PTK2: variants seen among roughly 807,000 people sequenced by gnomAD.
PTK2 encodes the protein focal adhesion kinase 1.
Under a neutral mutation model 150.1 loss-of-function variants are expected in PTK2, and 45 were observed. The ratio of observed to expected loss-of-function variants is 0.30; its 90% CI spans 0.24 to 0.38. The LOEUF is 0.38. Among genes scored for constraint, PTK2 ranks in the 10% least tolerant of loss-of-function variants. The pLI is 1.00. For synonymous variants in PTK2, 432 were observed against 449.2 expected (o/e 0.96, Z 0.48); for missense variants, 919 against 1,307.3 (o/e 0.70, Z 4.58).
intron 8 of PTK2, 26 bp downstream of exon 8, chr8:140,830,446 A>T: frequency 6.9e-7 from 1 of 1,453,704 alleles, no homozygotes; most frequent in Non-Finnish European, 9.3e-7. Flanking sequence ...TTGTTATTTT[A>T]TTATGATAAA....
chr8:140,724,337 C>G (rs964223092), intron 22 of PTK2, among the ~76,000 whole-genome samples: 2 of 152,196 alleles, frequency 1.3e-5, no homozygotes, highest in South Asian at 4.1e-4. Flanking sequence ...TCATTTACCA[C>G]TAGGAAAGAA....
In PTK2 at chr8:140,669,947, T is replaced by C. The variant is rs1054666191; in HGVS notation, c.2710-1523A>G. The C allele has an allele frequency of 3.8e-5, 23 of 603,416 alleles. No homozygotes were observed. In the African/African-American group the frequency reaches 3.9e-4, roughly 10 times the overall value. The allele number at this position is 603,416 out of a possible 1,614,324, so 37.4% of individuals were successfully genotyped here. ...CCACCTGCTCACTGCCCCAGCATAC[T>C]GCATAGAGAGGTCTGCCATGCACCA... On this transcript the variant is annotated intron_variant, in intron 29 of 31. Transcript: ENST00000522684.
chr8:140,982,708 A>C (rs146921808), intron 1 of PTK2, among the ~76,000 whole-genome samples: 1 of 152,364 alleles, frequency 6.6e-6, no homozygotes, highest in East Asian at 1.9e-4. Context: ...ATCTTTTTTA[A>C]AGAAATGCAT....
At position 140,659,465 on chromosome 8, in the gene PTK2, C is replaced by T. The variant is rs1308464599; in HGVS notation, c.*1G>A. The T allele has an allele frequency of 6.8e-6, 11 of 1,610,878 alleles. No individual in the cohort carries two copies. In the East Asian group the frequency reaches 2.5e-4, roughly 36 times the overall value. ...TAGCAAGACGTGCTCCTAGGGGAGG[C>T]TCAGTGTGGTCTCGTCTGCCCAAGC... On this transcript the variant is annotated 3_prime_UTR_variant, in exon 32 of 32. Transcript: ENST00000522684.
intron 1 of PTK2, among the ~76,000 whole-genome samples, chr8:140,943,091 G>A (rs530306785): frequency 1.5e-4 from 23 of 152,178 alleles, no homozygotes; most frequent in Admixed American, 6.5e-4. Flanking sequence ...ACAGTGAGCC[G>A]ATTAAACCTC....
chr8:140,689,253 G>T (rs916125629), intron 26 of PTK2, among the ~76,000 whole-genome samples: 12 of 152,150 alleles, frequency 7.9e-5, no homozygotes, highest in African/African-American at 2.9e-4. Context: ...CAGCTTTGTG[G>T]GGCCCAAACA....
chr8:140,744,865 T>C (rs1168432665), intron 18 of PTK2, 98 bp from the exon 22 acceptor site: 1 of 566,842 alleles, frequency 1.8e-6, no homozygotes. Flanking sequence ...AATAATGCTG[T>C]TTTCAATGCA....
At chr8:140,748,859 TAAA>T (rs371428808) in intron 17 of PTK2, among the ~76,000 whole-genome samples, 107 of 152,342 alleles carry the variant, frequency 7.0e-4, no homozygotes, top group African/African-American at 2.4e-3. Flanking sequence ...GAAGTGATTT[TAAA>T]GGTGACCTGG....
chr8:140,980,119 T>C (rs901214100), intron 1 of PTK2, among the ~76,000 whole-genome samples: 1 of 152,118 alleles, frequency 6.6e-6, no homozygotes, highest in African/African-American at 2.4e-5. Context: ...CTATGAGCAA[T>C]AAGAGTGTTC....
intron 17 of PTK2, among the ~76,000 whole-genome samples, chr8:140,748,902 CAGACT>C (rs1449928500): frequency 1.3e-5 from 2 of 152,124 alleles, no homozygotes; most frequent in Non-Finnish European, 2.9e-5. Context: ...CCTGATTTCA[CAGACT>C]ATAAAAATGG....
chr8:140,996,852 T>C (rs143111935), intron 1 of PTK2, among the ~76,000 whole-genome samples: 1 of 152,190 alleles, frequency 6.6e-6, no homozygotes, highest in Non-Finnish European at 1.5e-5. Context: ...TAACACCACA[T>C]CCATTCTACA....
At chr8:140,818,852 C>T (rs2100106361) in intron 9 of PTK2, 28 bp downstream of exon 9, 2 of 1,600,230 alleles carry the variant, frequency 1.2e-6, no homozygotes, top group East Asian at 2.3e-5. Flanking sequence ...TCAAACTAGC[C>T]CACTATTTCC....
chr8:140,909,718 G>A (rs942833070), intron 2 of PTK2: 2 of 152,144 alleles, frequency 1.3e-5, no homozygotes, highest in South Asian at 2.1e-4. Context: ...GTTAAAGAAG[G>A]ATGAACTGAA....
intron 14 of PTK2, among the ~76,000 whole-genome samples, chr8:140,767,884 G>A (rs2100073271): frequency 6.6e-6 from 1 of 152,030 alleles, no homozygotes; most frequent in African/African-American, 2.4e-5. Flanking sequence ...ATATTCAAGG[G>A]CCCTAAAAAT....
intron 2 of PTK2, among the ~76,000 whole-genome samples, chr8:140,918,879 C>A (rs2100166343): frequency 6.6e-6 from 1 of 152,188 alleles, no homozygotes; most frequent in South Asian, 2.1e-4. Flanking sequence ...AACTTTTATA[C>A]TTGAATATAA....
At chr8:140,983,272 A>G (rs1039603337) in intron 1 of PTK2, among the ~76,000 whole-genome samples, 1 of 151,208 alleles carries the variant, frequency 6.6e-6, no homozygotes, top group Non-Finnish European at 1.5e-5. Context: ...CTGTAATCCC[A>G]GCTACTCGGA....
intron 13 of PTK2, among the ~76,000 whole-genome samples, chr8:140,789,782 T>C (rs761930543): frequency 6.6e-6 from 1 of 152,064 alleles, no homozygotes; most frequent in Non-Finnish European, 1.5e-5. Flanking sequence ...AACAATGCAA[T>C]ACAATTTAAT....
intron 1 of PTK2, among the ~76,000 whole-genome samples, chr8:140,971,562 T>C (rs2100187291): frequency 6.6e-6 from 1 of 152,246 alleles, no homozygotes; most frequent in Non-Finnish European, 1.5e-5. Flanking sequence ...TGAATAGCTC[T>C]GCAATCAATT....
intron 26 of PTK2, among the ~76,000 whole-genome samples, chr8:140,690,923 G>A (rs1179004965): frequency 1.3e-5 from 2 of 152,170 alleles, no homozygotes; most frequent in African/African-American, 4.8e-5. Context: ...GTGTGACCTG[G>A]GCCTCAATTT....
Sources: allele counts gnomAD v4.1 joint callset (sites outside exome capture counted in the v4.1 genomes callset), GRCh38; gene constraint gnomAD v4.1.1; transcripts MANE v1.5; gene names NCBI Gene and HGNC (gene_info 2026-07-23, HGNC 2026-07-21).